The following GUCY2C variants were observed in gnomAD, a reference collection of about 807,000 sequenced individuals.
GUCY2C encodes the protein guanylate cyclase 2C, also known as guanylyl cyclase C.
In GUCY2C, 118 loss-of-function variants were observed where a neutral mutation model predicts 131.1. The observed-to-expected ratio is 0.90, with a 90% CI of 0.78 to 1.05. The LOEUF is 1.05. Among genes scored for constraint, GUCY2C ranks in the 50% least tolerant of loss-of-function variants. GUCY2C has a pLI of 0.00. For missense variants in GUCY2C, 1,161 were observed against 1,304.4 expected, an observed-to-expected ratio of 0.89 and a Z score of 1.69; for synonymous variants, 452 against 457.8, an observed-to-expected ratio of 0.99 and a Z score of 0.16.
chr12:14,636,914 C>T (rs368176771), intron 19 of GUCY2C, among the ~76,000 whole-genome samples: 2 of 151,938 alleles, frequency 1.3e-5, no homozygotes, highest in East Asian at 3.9e-4. Flanking sequence ...CATGGTGAAA[C>T]CCCGTCTCTA....
At chr12:14,694,838 T>C (rs901936511) in intron 1 of GUCY2C, among the ~76,000 whole-genome samples, 8 of 152,198 alleles carry the variant, frequency 5.3e-5, no homozygotes, top group African/African-American at 1.9e-4. Context: ...TAAATACTCA[T>C]TGACTCAATA....
chr12:14,641,363 C>A, intron 17 of GUCY2C, 144 bp from the exon 18 acceptor site: 1 of 815,810 alleles, frequency 1.2e-6, no homozygotes, highest in Non-Finnish European at 1.9e-6. Flanking sequence ...TGATATGATT[C>A]CAAATTTTTG....
At chr12:14,633,878 C>T (rs1947205859) in intron 19 of GUCY2C, among the ~76,000 whole-genome samples, 1 of 151,834 alleles carries the variant, frequency 6.6e-6, no homozygotes, top group African/African-American at 2.4e-5. Context: ...GAAAAAAGAA[C>T]AAAAATGAAT....
intron 15 of GUCY2C, among the ~76,000 whole-genome samples, chr12:14,649,918 CAG>C (rs1947607895): frequency 6.6e-6 from 1 of 152,024 alleles, no homozygotes; most frequent in Non-Finnish European, 1.5e-5. Context: ...TTTTTTGAAA[CAG>C]ATTTCATGAT....
chr12:14,645,614 C>G (rs1462217502), intron 15 of GUCY2C, among the ~76,000 whole-genome samples: 2 of 152,208 alleles, frequency 1.3e-5, no homozygotes, highest in Non-Finnish European at 2.9e-5. Flanking sequence ...TAACAAGTGA[C>G]TGCCCTGCAT....
chr12:14,659,652 C>T (rs1220051866), intron 11 of GUCY2C, among the ~76,000 whole-genome samples: 7 of 152,112 alleles, frequency 4.6e-5, no homozygotes, highest in Non-Finnish European at 7.3e-5. Context: ...AATATCAAGA[C>T]CTTAAAGGCT....
At chr12:14,642,452 G>A (rs1947428448) in intron 17 of GUCY2C, among the ~76,000 whole-genome samples, 2 of 152,048 alleles carry the variant, frequency 1.3e-5, no homozygotes, top group South Asian at 2.1e-4. Flanking sequence ...CATGTTGTTA[G>A]GTGCAATAAT....
intron 11 of GUCY2C, among the ~76,000 whole-genome samples, chr12:14,659,184 C>T (rs1460943556): frequency 6.6e-6 from 1 of 152,042 alleles, no homozygotes; most frequent in Non-Finnish European, 1.5e-5. Context: ...GCTGGGATTA[C>T]AGGCACCTGC....
At chr12:14,621,505 A>G (rs1038821837) in intron 22 of GUCY2C, among the ~76,000 whole-genome samples, 1 of 152,202 alleles carries the variant, frequency 6.6e-6, no homozygotes, top group Non-Finnish European at 1.5e-5. Context: ...GAAATGTTCA[A>G]ATAAATAATC....
chr12:14,683,102 G>A lies in GUCY2C; in HGVS notation c.551C>T (p.Thr184Ile). The A allele has an allele frequency of 3.1e-6, 5 of 1,613,742 alleles. No homozygotes were observed. Among genetic ancestry groups the A allele is most frequent in the Non-Finnish European group, 4.2e-6 (5 of 1,179,688 alleles). The change falls in exon 4 of 27, where the codon ACT becomes ATT. Residue 184 changes from threonine to isoleucine, a missense_variant. Physicochemically the swap from Thr to Ile is moderately conservative, Grantham distance 89. Transcript: ENST00000261170. ...AACATACGAAGTGCTCCAGGAATAA[G>A]TTTTGAAGGGCAGATCGTTGGTTTT... Reference protein sequence around the residue: ...FWKTNDLPFKTYSWSTSYVYK... With the variant: ...FWKTNDLPFKIYSWSTSYVYK...
chr12:14,625,847 C>T lies in GUCY2C; in HGVS notation c.2318G>A (p.Arg773Gln), dbSNP rs1057520052. Residue 773 changes from arginine to glutamine, a missense_variant, in exon 21 of 27, where the codon CGA (arginine) becomes CAA (glutamine). Physicochemically the swap from Arg to Gln is conservative, Grantham distance 43 (BLOSUM62 1). Transcript: ENST00000261170. ...TLIRRLQLYS[R>Q]NLEHLVEERT... ...TTCCTCTACCAGATGTTCCAGGTTT[C>T]GAGAATATAGCTGTAGACGTCGGAT... The T allele has an allele frequency of 6.2e-7, 1 of 1,613,638 alleles. No individual in the cohort carries two copies. Among genetic ancestry groups the T allele is most frequent in the Non-Finnish European group, 8.5e-7 (1 of 1,179,674 alleles).
intron 20 of GUCY2C, among the ~76,000 whole-genome samples, chr12:14,628,207 C>T (rs1947063043): frequency 1.3e-5 from 2 of 152,256 alleles, no homozygotes; most frequent in Admixed American, 6.5e-5. Flanking sequence ...TTGAATTATG[C>T]TCTGATTCAT....
chr12:14,645,539 AT>A (rs1349200231), intron 15 of GUCY2C, among the ~76,000 whole-genome samples: 1 of 152,198 alleles, frequency 6.6e-6, no homozygotes. Flanking sequence ...TACCCATAGC[AT>A]CCCAAATTTC....
rs541215347 is a variant in GUCY2C, at chr12:14,688,043, C to A, written c.238G>T (p.Ala80Ser). Residue 80 changes from alanine to serine, a missense_variant, in exon 2 of 27, where the codon GCT becomes TCT. By Grantham distance (99) the Ala-to-Ser change is moderately conservative (BLOSUM62 1). Transcript: ENST00000261170. ...QNAGLNVTVN[A>S]TFMYSDGLIH... Reference sequence around the variant, plus strand: ...AGACCATCCGAATACATGAAAGTAGCGTTCACAGTCACATTTAGGCCTGTC... The same window carrying A: ...AGACCATCCGAATACATGAAAGTAGAGTTCACAGTCACATTTAGGCCTGTC... 1 of 1,612,250 alleles carries A rather than the reference C, an allele frequency of 6.2e-7. No homozygotes were observed. Among genetic ancestry groups the A allele is most frequent in the Admixed American group, 1.7e-5 (1 of 60,020 alleles).
intron 19 of GUCY2C, among the ~76,000 whole-genome samples, chr12:14,634,870 T>C (rs532591463): frequency 1.3e-5 from 2 of 152,104 alleles, no homozygotes; most frequent in Non-Finnish European, 2.9e-5. Flanking sequence ...ACAAAGGTCA[T>C]AGGTCATTAT....
At chr12:14,694,144 G>A (rs923802183) in intron 1 of GUCY2C, among the ~76,000 whole-genome samples, 1 of 152,152 alleles carries the variant, frequency 6.6e-6, no homozygotes, top group Admixed American at 6.5e-5. Context: ...CTGAGGTTCC[G>A]AAAATTTAAC....
intron 1 of GUCY2C, among the ~76,000 whole-genome samples, chr12:14,688,365 G>T (rs1249340804): frequency 6.6e-6 from 1 of 151,970 alleles, no homozygotes; most frequent in Non-Finnish European, 1.5e-5. Flanking sequence ...TATATATATA[G>T]TTGTGCAACC....
rs936854754 is a variant in GUCY2C, at chr12:14,679,844, G to A, written c.734-91C>T. On this transcript the variant is annotated intron_variant, in intron 5 of 26. Coordinates refer to ENST00000261170, the MANE Select transcript of GUCY2C (RefSeq NM_004963.4). ...AGTTGCCTGAATTTGAATCCAGTAT[G>A]TTAATGTTAAATTTTTTAAAGATAA... The A allele has an allele frequency of 4.5e-6, 3 of 672,740 alleles. No individual in the cohort carries two copies. In the African/African-American group the frequency reaches 5.5e-5, roughly 12 times the overall value. The allele number at this position is 672,740 out of a possible 1,614,324, so 41.7% of individuals were successfully genotyped here. A position where few individuals can be genotyped will look rare whatever the true frequency, so the allele number is the denominator to read the frequency against.
chr12:14,665,485 G>A (rs1947960318), intron 10 of GUCY2C, among the ~76,000 whole-genome samples: 1 of 152,194 alleles, frequency 6.6e-6, no homozygotes, highest in Admixed American at 6.5e-5. Context: ...GTATTCTGTA[G>A]GTAAAGCAGA....
Sources: gnomAD v4.1 joint callset for allele counts (sites outside exome capture counted in the v4.1 genomes callset) on GRCh38, gnomAD v4.1.1 for gene constraint, MANE v1.5 for transcripts, NCBI Gene and HGNC (gene_info 2026-07-23, HGNC 2026-07-21) for gene names.